The following TMEM39B variants were observed in gnomAD, a reference collection of about 807,000 sequenced individuals.
TMEM39B encodes transmembrane protein 39B.
A neutral mutation model predicts 52.2 loss-of-function variants in TMEM39B; 23 were observed. That is an observed-to-expected ratio of 0.44 (90% CI 0.32 to 0.62). The LOEUF (loss-of-function observed/expected upper bound fraction) is 0.62, where lower values mean the gene tolerates loss of function less well. TMEM39B is among the 20% of genes least tolerant of loss of function. The pLI is 0.06. For synonymous variants in TMEM39B, 285 were observed against 264.0 expected, an observed-to-expected ratio of 1.08 and a Z score of -0.77; for missense variants, 547 against 642.0, an observed-to-expected ratio of 0.85 and a Z score of 1.60.
intron 5 of TMEM39B, among the ~76,000 whole-genome samples, chr1:32,086,748 C>A (rs1003978527): frequency 1.3e-5 from 2 of 150,710 alleles, no homozygotes; most frequent in Non-Finnish European, 2.9e-5. Flanking sequence ...GCCTGGGAAA[C>A]AGAGCCAGGC....
At chr1:32,082,241 G>A (rs1569878977) in intron 5 of TMEM39B, among the ~76,000 whole-genome samples, 2 of 151,136 alleles carry the variant, frequency 1.3e-5, no homozygotes, top group East Asian at 1.9e-4. Context: ...CTTTTATATC[G>A]TCAAGCTTGA....
intron 8 of TMEM39B, 31 bp from the exon 9 acceptor site, chr1:32,102,400 C>T: frequency 6.2e-7 from 1 of 1,602,310 alleles, no homozygotes; most frequent in Non-Finnish European, 8.5e-7. Context: ...TGGAGCACAC[C>T]TTTTAGCCAT....
intron 7 of TMEM39B, among the ~76,000 whole-genome samples, chr1:32,098,606 G>A (rs957750676): frequency 6.6e-6 from 1 of 152,110 alleles, no homozygotes; most frequent in African/African-American, 2.4e-5. Context: ...AGTGGCGGGC[G>A]CCTGTAGTCC....
intron 5 of TMEM39B, among the ~76,000 whole-genome samples, chr1:32,085,455 T>TA (rs1334310286): frequency 6.6e-6 from 1 of 152,192 alleles, no homozygotes; most frequent in Non-Finnish European, 1.5e-5. Flanking sequence ...ATTCTTGTTT[T>TA]AAAAATCTCT....
At chr1:32,075,850 GTGTGTGTGTGTGTGCGTGTGTGTGTA>G (rs899775761) in intron 3 of TMEM39B, 28 bp downstream of exon 3, 23 of 1,356,810 alleles carry the variant, frequency 1.7e-5, no homozygotes, top group East Asian at 1.5e-4. Context: ...GTGTGTGTGT[GTGTGTGTGTGTGTGCGTGTGTGTGTA>G]TGTGTGTGTG....
intron 7 of TMEM39B, among the ~76,000 whole-genome samples, chr1:32,097,476 G>A (rs897320216): frequency 1.1e-4 from 17 of 150,972 alleles, no homozygotes; most frequent in Admixed American, 2.0e-4. Context: ...GATTACAGGC[G>A]TGCGCCACCA....
At chr1:32,077,467 G>C in intron 5 of TMEM39B, 149 bp downstream of exon 5, 1 of 1,061,318 alleles carries the variant, frequency 9.4e-7, no homozygotes, top group Non-Finnish European at 1.4e-6. Context: ...CTCACTCACT[G>C]AGGTCAGGAT....
chr1:32,097,748 C>T, intron 7 of TMEM39B, among the ~76,000 whole-genome samples: 1 of 151,614 alleles, frequency 6.6e-6, no homozygotes, highest in East Asian at 1.9e-4. Context: ...AGGTTCACAC[C>T]ATTCTCCTGC....
At chr1:32,080,121 C>G (rs1336030025) in intron 5 of TMEM39B, among the ~76,000 whole-genome samples, 2 of 151,918 alleles carry the variant, frequency 1.3e-5, no homozygotes, top group East Asian at 3.9e-4. Flanking sequence ...ATCTCCTGAC[C>G]TCGTGATCCG....
At position 32,086,066 on chromosome 1, in the gene TMEM39B, G is replaced by A. The variant is rs936485476; in HGVS notation, c.591-5609G>A. 2.6e-5 allele frequency among the ~76,000 whole-genome samples: 4 copies of A among 151,928 alleles called. 1 individual carries two copies. The highest frequency in any genetic ancestry group is 9.7e-5 in the African/African-American group (4 of 41,346). ...CGTAGGCCAGAAAGGGAGTGGTGGG[G>A]GTGTTACTCTAAGATATCGCCATTA... On this transcript the variant is annotated intron_variant, in intron 5 of 8. Transcript: ENST00000336294.
At chr1:32,073,416 G>A (rs1015612280) in intron 1 of TMEM39B, 27 of 535,532 alleles carry the variant, frequency 5.0e-5, no homozygotes, top group Non-Finnish European at 6.6e-5. Flanking sequence ...GGGTTGGAGG[G>A]GTTACACTGG....
At chr1:32,083,724 A>C (rs1004789349) in intron 5 of TMEM39B, among the ~76,000 whole-genome samples, 4 of 152,034 alleles carry the variant, frequency 2.6e-5, no homozygotes, top group Non-Finnish European at 5.9e-5. Context: ...GCCCAGCCTT[A>C]AAGGACTTCT....
chr1:32,096,304 C>T (rs868849380), intron 7 of TMEM39B, among the ~76,000 whole-genome samples: 2 of 152,060 alleles, frequency 1.3e-5, no homozygotes, highest in South Asian at 4.2e-4. Context: ...TATAAGGGGC[C>T]CCTCCTTTCA....
At chr1:32,099,186 G>A (rs1358299526) in intron 7 of TMEM39B, among the ~76,000 whole-genome samples, 5 of 150,844 alleles carry the variant, frequency 3.3e-5, no homozygotes, top group East Asian at 2.0e-4. Context: ...GCAGTGAGCC[G>A]AGCGCCACTG....
chr1:32,086,365 T>C (rs1640350043), intron 5 of TMEM39B, among the ~76,000 whole-genome samples: 1 of 152,106 alleles, frequency 6.6e-6, no homozygotes, highest in South Asian at 2.1e-4. Flanking sequence ...TCCAGTTGAG[T>C]AGCTACTAGC....
rs574628023 is a variant in TMEM39B, at chr1:32,088,234, G to A, written c.591-3441G>A. On this transcript the variant is annotated intron_variant, in intron 5 of 8. Coordinates refer to ENST00000336294, the MANE Select transcript of TMEM39B (RefSeq NM_018056.4). ...GATTGAGACAATCTTGGCTAACATG[G>A]TGAAACCCCGTCTCTACCAAAAATA... is the stretch of plus-strand genomic sequence containing the variant. Among the ~76,000 whole-genome samples, 156 of 149,906 alleles carry A rather than the reference G, an allele frequency of 1.0e-3. No individual in the cohort carries two copies. In the Middle Eastern group the frequency reaches 0.011, roughly 10 times the overall value.
chr1:32,094,730 G>T (rs768657206), intron 6 of TMEM39B, 54 bp from the exon 7 acceptor site: 22 of 1,592,834 alleles, frequency 1.4e-5, no homozygotes, highest in Non-Finnish European at 1.9e-5. Context: ...GGAAGGAAAG[G>T]GAATGAGGCC....
intron 5 of TMEM39B, among the ~76,000 whole-genome samples, chr1:32,089,776 G>T (rs550052758): frequency 1.3e-5 from 2 of 151,480 alleles, no homozygotes; most frequent in Admixed American, 6.6e-5. Context: ...AGTAGCTGAC[G>T]CCTGTAATCC....
intron 5 of TMEM39B, among the ~76,000 whole-genome samples, chr1:32,083,598 A>AT (rs1640209667): frequency 1.3e-5 from 2 of 148,272 alleles, no homozygotes; most frequent in South Asian, 4.3e-4. Context: ...AATTTTTTGT[A>AT]TTTTTAGTAG....
Sources: gnomAD v4.1 joint callset for allele counts (sites outside exome capture counted in the v4.1 genomes callset) on GRCh38, gnomAD v4.1.1 for gene constraint, MANE v1.5 for transcripts, NCBI Gene and HGNC (gene_info 2026-07-23, HGNC 2026-07-21) for gene names.